The following AFDN variants were observed in gnomAD, a reference collection of about 807,000 sequenced individuals.
AFDN encodes afadin.
AFDN carries 68 observed loss-of-function variants against 216.6 expected under a neutral mutation model. That is an observed-to-expected ratio of 0.31 (90% confidence interval 0.26 to 0.38). The LOEUF (loss-of-function observed/expected upper bound fraction) is 0.38, where lower values mean the gene tolerates loss of function less well. AFDN is among the 10% of genes least tolerant of loss of function. AFDN has a pLI of 1.00. For missense variants in AFDN, 2,136 were observed against 2,342.0 expected (o/e 0.91, Z 1.82); for synonymous variants, 868 against 853.7 (o/e 1.02, Z -0.29).
chr6:167,933,495 A>C (rs1315751405), intron 23 of AFDN, among the ~76,000 whole-genome samples: 1 of 152,160 alleles, frequency 6.6e-6, no homozygotes, highest in Non-Finnish European at 1.5e-5. Flanking sequence ...CATGTGGGAA[A>C]CACCTAGTCA....
intron 13 of AFDN, among the ~76,000 whole-genome samples, chr6:167,910,584 G>A (rs997457593): frequency 2.6e-5 from 4 of 152,204 alleles, no homozygotes; most frequent in African/African-American, 9.6e-5. Flanking sequence ...GTCACTGTAA[G>A]CATTGGAAAA....
intron 12 of AFDN, among the ~76,000 whole-genome samples, 194 bp from the exon 13 acceptor site, chr6:167,906,977 A>G (rs564152490): frequency 7.5e-4 from 115 of 152,328 alleles, no homozygotes; most frequent in African/African-American, 2.5e-3. Context: ...GCGTCTTCCT[A>G]TGCTTTAATA....
chr6:167,943,247 A>T, intron 24 of AFDN, 53 bp downstream of exon 24: 1 of 1,531,006 alleles, frequency 6.5e-7, no homozygotes, highest in South Asian at 1.1e-5. Context: ...TATTCAGCAA[A>T]TGATGTGAGA....
At chr6:167,878,238 A>G (rs1785635580) in intron 5 of AFDN, among the ~76,000 whole-genome samples, 1 of 152,210 alleles carries the variant, frequency 6.6e-6, no homozygotes, top group African/African-American at 2.4e-5. Context: ...GTACAAACCA[A>G]GAGCCACAGT....
chr6:167,841,646 G>A (rs190912627), intron 1 of AFDN, among the ~76,000 whole-genome samples: 1 of 151,754 alleles, frequency 6.6e-6, no homozygotes, highest in African/African-American at 2.4e-5. Flanking sequence ...TAGTTTTTTC[G>A]GTATCCTCTT....
chr6:167,907,375 G>C, intron 13 of AFDN, 86 bp downstream of exon 13: 1 of 1,025,876 alleles, frequency 9.7e-7, no homozygotes, highest in Non-Finnish European at 1.5e-6. Flanking sequence ...AATTTATAAA[G>C]GTTCAGCTGA....
chr6:167,833,417 C>G (rs1780042178), intron 1 of AFDN, among the ~76,000 whole-genome samples: 1 of 152,138 alleles, frequency 6.6e-6, no homozygotes. Context: ...GTTTTATTGG[C>G]TGAGTGGTGC....
rs1797188869 is a variant in AFDN at position 167,962,975 on chromosome 6, G to GA, written c.4968+408_4968+409insA. ...GCAGTAGGAGCGTAGTAAGACAGTT[G>GA]GCTGCCATTCAACATTTCAAATAGA... On this transcript the variant is annotated intron_variant, in intron 31 of 33. Coordinates refer to ENST00000683244, the MANE Select transcript of AFDN (RefSeq NM_001386888.1). The surrounding 1 kb of genome is among the most constrained non-coding windows in gnomAD (Gnocchi z 5.2). The GA allele has an allele frequency of 1.8e-6, 2 of 1,089,892 alleles. No individual in the cohort carries two copies. The highest frequency in any genetic ancestry group is 2.2e-6 in the Non-Finnish European group (2 of 893,332). 67.5% of individuals were successfully genotyped at this position (1,089,892 alleles called of 1,614,324 possible).
intron 2 of AFDN, 99 bp downstream of exon 2, chr6:167,864,845 C>T: frequency 8.3e-7 from 1 of 1,199,768 alleles, no homozygotes; most frequent in Non-Finnish European, 1.2e-6. Context: ...TACTGCTCGT[C>T]TCCATCTTTC....
intron 29 of AFDN, among the ~76,000 whole-genome samples, chr6:167,950,825 CAGAG>C (rs1481294099): frequency 6.7e-6 from 1 of 149,642 alleles, no homozygotes; most frequent in African/African-American, 2.5e-5. Context: ...GGCCTCGAGG[CAGAG>C]AGAAAGTACA....
chr6:167,847,295 T>C (rs1165318603), intron 1 of AFDN, among the ~76,000 whole-genome samples: 1 of 152,204 alleles, frequency 6.6e-6, no homozygotes, highest in Non-Finnish European at 1.5e-5. Context: ...ATTTCATTTT[T>C]GTGGTTTTAA....
chr6:167,907,121 T>G (rs1443043702), intron 12 of AFDN, 50 bp from the exon 13 acceptor site: 1 of 1,389,124 alleles, frequency 7.2e-7, no homozygotes, highest in East Asian at 2.3e-5. Flanking sequence ...GTGTCAAGCT[T>G]GGTTGGTCTG....
intron 5 of AFDN, 147 bp from the exon 6 acceptor site, chr6:167,880,213 A>G (rs544681666): frequency 2.0e-5 from 14 of 685,646 alleles, no homozygotes; most frequent in Middle Eastern, 4.2e-4. Flanking sequence ...CTAACAGGAA[A>G]TGAAACAATA....
intron 19 of AFDN, 143 bp downstream of exon 19, chr6:167,915,576 A>G: frequency 1.1e-6 from 1 of 932,590 alleles, no homozygotes; most frequent in Non-Finnish European, 1.6e-6. Flanking sequence ...AAGTAGTGCT[A>G]TGTGAGTACT....
At chr6:167,879,102 T>G (rs1408876094) in intron 5 of AFDN, among the ~76,000 whole-genome samples, 1 of 152,240 alleles carries the variant, frequency 6.6e-6, no homozygotes, top group Non-Finnish European at 1.5e-5. Flanking sequence ...GAATATCATC[T>G]GACCTGCTTA....
chr6:167,969,488 C>G (rs1215966128), intron 33 of AFDN, among the ~76,000 whole-genome samples: 1 of 152,130 alleles, frequency 6.6e-6, no homozygotes, highest in Non-Finnish European at 1.5e-5. Context: ...AACTGTACCC[C>G]TCAGGTTACA....
At chr6:167,875,667 C>T (rs897346350) in intron 5 of AFDN, among the ~76,000 whole-genome samples, 172 bp downstream of exon 5, 25 of 151,854 alleles carry the variant, frequency 1.6e-4, no homozygotes, top group African/African-American at 6.1e-4. Context: ...GTACAAGAGT[C>T]CTGTTCACAT....
At chr6:167,871,319 G>A (rs986281338) in intron 3 of AFDN, among the ~76,000 whole-genome samples, 4 of 152,080 alleles carry the variant, frequency 2.6e-5, no homozygotes, top group Non-Finnish European at 4.4e-5. Flanking sequence ...CCATTGTTTT[G>A]CTATACATGT....
chr6:167,954,095 A>G (rs1796271140), intron 30 of AFDN, among the ~76,000 whole-genome samples: 1 of 152,248 alleles, frequency 6.6e-6, no homozygotes, highest in Non-Finnish European at 1.5e-5. Context: ...AAAGCCTTTT[A>G]GTATGAATTG....
Sources: gnomAD v4.1 joint callset for allele counts (sites outside exome capture counted in the v4.1 genomes callset) on GRCh38, gnomAD v4.1.1 for gene constraint, Gnocchi (gnomAD v3.1) non-coding constraint, MANE v1.5 for transcripts, NCBI Gene and HGNC (gene_info 2026-07-23, HGNC 2026-07-21) for gene names.